Variants in ASIC2 observed in about 807,000 individuals in gnomAD.
ASIC2 encodes acid-sensing ion channel 2.
ASIC2 carries 25 observed loss-of-function variants against 57.3 expected under a neutral mutation model. The observed-to-expected ratio is 0.44, with a 90% CI of 0.32 to 0.61. The LOEUF is 0.61. Ranked by LOEUF, ASIC2 falls within the 20% of genes least tolerant of loss-of-function variation. ASIC2 has a pLI of 0.06. For synonymous variants in ASIC2, 319 were observed against 307.5 expected (o/e 1.04, Z -0.39); for missense variants, 641 against 738.1 (o/e 0.87, Z 1.52).
chr17:33,940,045 T>C (rs1008018619), intron 1 of ASIC2, among the ~76,000 whole-genome samples: 2 of 152,202 alleles, frequency 1.3e-5, no homozygotes, highest in African/African-American at 4.8e-5. Context: ...TGCGTACTCA[T>C]GCATCCTCTC....
chr17:33,956,174 C>T (rs1335145158), intron 1 of ASIC2, among the ~76,000 whole-genome samples: 1 of 152,070 alleles, frequency 6.6e-6, no homozygotes. Flanking sequence ...TGAAGGAATG[C>T]TTGGGCAGTG....
chr17:33,770,135 A>C (rs1451317862), intron 1 of ASIC2, among the ~76,000 whole-genome samples: 2 of 152,036 alleles, frequency 1.3e-5, no homozygotes, highest in Non-Finnish European at 2.9e-5. Context: ...TGCTTGTATC[A>C]CTCTTCATCT....
intron 1 of ASIC2, among the ~76,000 whole-genome samples, chr17:33,432,647 G>A (rs1040523812): frequency 5.3e-5 from 8 of 152,102 alleles, no homozygotes; most frequent in Non-Finnish European, 1.2e-4. Context: ...CATACAAACC[G>A]TATTCATCAA....
chr17:33,039,670 T>G (rs1181690592), intron 3 of ASIC2, among the ~76,000 whole-genome samples: 1 of 152,184 alleles, frequency 6.6e-6, no homozygotes, highest in African/African-American at 2.4e-5. Flanking sequence ...ATGCAGCCCC[T>G]TGTTAAGTTG....
chr17:33,990,590 A>G (rs1905970732), intron 1 of ASIC2, among the ~76,000 whole-genome samples: 1 of 152,180 alleles, frequency 6.6e-6, no homozygotes, highest in Non-Finnish European at 1.5e-5. Flanking sequence ...AGCACAACTC[A>G]ATTTAGTTGT....
chr17:34,080,276 T>G (rs942508583), intron 1 of ASIC2, among the ~76,000 whole-genome samples: 8 of 152,182 alleles, frequency 5.3e-5, no homozygotes, highest in African/African-American at 1.9e-4. Flanking sequence ...TTCATATAGG[T>G]TGCAATGTCA....
At chr17:33,628,659 A>G (rs1197451389) in intron 1 of ASIC2, among the ~76,000 whole-genome samples, 1 of 152,076 alleles carries the variant, frequency 6.6e-6, no homozygotes, top group East Asian at 1.9e-4. Context: ...GCTGATAATA[A>G]TAATTTGTCA....
chr17:33,673,076 G>A (rs1907687911), intron 1 of ASIC2, among the ~76,000 whole-genome samples: 1 of 152,188 alleles, frequency 6.6e-6, no homozygotes, highest in South Asian at 2.1e-4. Flanking sequence ...TACTCCGTTT[G>A]AGAGAAATCA....
rs200461297 is a variant in ASIC2 at position 33,601,045 on chromosome 17, CT to C, written c.556-488979del. On this transcript the variant is annotated intron_variant, in intron 1 of 9. Coordinates refer to the ASIC2 transcript ENST00000359872. ...AAGCATTCAAGGTGCTGTATGGCTT[CT>C]TTTGGCCACTTACAGTAAAATGAGA... is the stretch of plus-strand genomic sequence containing the variant. 3.0e-3 allele frequency among the ~76,000 whole-genome samples: 460 copies of C among 152,250 alleles called. 10 individuals are homozygous for C. Among genetic ancestry groups the C allele is most frequent in the East Asian group, 0.014 (75 of 5,184 alleles).
At chr17:33,352,734 A>C (rs1364796720) in intron 1 of ASIC2, among the ~76,000 whole-genome samples, 2 of 152,070 alleles carry the variant, frequency 1.3e-5, no homozygotes, top group Non-Finnish European at 2.9e-5. Context: ...TTCAGTGTGC[A>C]AGGTGCATGC....
At chr17:33,035,514 C>T (rs2091905601) in intron 3 of ASIC2, among the ~76,000 whole-genome samples, 1 of 152,190 alleles carries the variant, frequency 6.6e-6, no homozygotes, top group Admixed American at 6.5e-5. Flanking sequence ...ACTTTGATTT[C>T]ATGGAGACAT....
At chr17:33,258,685 T>A (rs963877960) in intron 1 of ASIC2, among the ~76,000 whole-genome samples, 6 of 152,116 alleles carry the variant, frequency 3.9e-5, no homozygotes, top group Non-Finnish European at 4.4e-5. Flanking sequence ...AGCCCAGACG[T>A]GGGTCAGGGA....
At chr17:34,044,048 T>C (rs917394488) in intron 1 of ASIC2, among the ~76,000 whole-genome samples, 1 of 152,086 alleles carries the variant, frequency 6.6e-6, no homozygotes, top group African/African-American at 2.4e-5. Context: ...ATTATCTTTG[T>C]TTTTATGGAT....
chr17:33,605,690 TA>T (rs1431010638), intron 1 of ASIC2, among the ~76,000 whole-genome samples: 2 of 152,146 alleles, frequency 1.3e-5, no homozygotes, highest in South Asian at 2.1e-4. Context: ...TTGCATGTAG[TA>T]AAAAAACACT....
intron 1 of ASIC2, among the ~76,000 whole-genome samples, chr17:34,094,031 T>C (rs1910428070): frequency 6.6e-6 from 1 of 152,150 alleles, no homozygotes; most frequent in South Asian, 2.1e-4. Flanking sequence ...GGTAGAGCCA[T>C]ACCTGAAAGT....
intron 1 of ASIC2, among the ~76,000 whole-genome samples, chr17:33,959,750 G>T (rs1003635016): frequency 6.6e-6 from 1 of 152,180 alleles, no homozygotes; most frequent in African/African-American, 2.4e-5. Context: ...ATTGAAGGTT[G>T]GTCTGCCTCT....
chr17:33,197,387 T>A (rs1325077104), intron 1 of ASIC2, among the ~76,000 whole-genome samples: 1 of 152,218 alleles, frequency 6.6e-6, no homozygotes, highest in Non-Finnish European at 1.5e-5. Context: ...GGCCCCACAC[T>A]TTCCAGGGTG....
intron 1 of ASIC2, among the ~76,000 whole-genome samples, chr17:34,124,662 T>C (rs1196649621): frequency 6.6e-6 from 1 of 152,098 alleles, no homozygotes; most frequent in Non-Finnish European, 1.5e-5. Flanking sequence ...AGTCTGGAAG[T>C]CCAAGATCAG....
chr17:33,334,742 G>T (rs1014599215), intron 1 of ASIC2, among the ~76,000 whole-genome samples: 1 of 152,212 alleles, frequency 6.6e-6, no homozygotes. Flanking sequence ...ATGATGGCTT[G>T]TGTGTCATCC....
Sources: allele counts gnomAD v4.1 joint callset (sites outside exome capture counted in the v4.1 genomes callset), GRCh38; gene constraint gnomAD v4.1.1; transcripts MANE v1.5; gene names NCBI Gene and HGNC (gene_info 2026-07-23, HGNC 2026-07-21).